Variants in IL6 observed in about 807,000 individuals in gnomAD.
The protein encoded by IL6 is interleukin 6.
IL6 carries 5 observed loss-of-function variants against 18.0 expected under a neutral mutation model. That is an observed-to-expected ratio of 0.28 (90% CI 0.15 to 0.58). The LOEUF (loss-of-function observed/expected upper bound fraction) is 0.58, where lower values mean the gene tolerates loss of function less well. Among genes scored for constraint, IL6 ranks in the 20% least tolerant of loss-of-function variants. The pLI is 0.90. For synonymous variants in IL6, 97 were observed against 95.1 expected (o/e 1.02, Z -0.12); for missense variants, 266 against 251.0 (o/e 1.06, Z -0.40).
rs1050091565 is a variant in IL6, at chr7:22,729,552, G to A, written c.363G>A (p.Glu121=). The A allele has an allele frequency of 1.2e-6, 2 of 1,614,120 alleles. No individual in the cohort carries two copies. The highest frequency in any genetic ancestry group is 2.7e-5 in the African/African-American group (2 of 75,034). Residue 121 remains glutamate, a synonymous_variant, in exon 4 of 5, where the codon GAG becomes GAA. Transcript: ENST00000258743. ...TGAAAATCATCACTGGTCTTTTGGAGTTTGAGGTATACCTAGAGTACCTCC... is the reference window on the plus strand; with the variant it reads ...TGAAAATCATCACTGGTCTTTTGGAATTTGAGGTATACCTAGAGTACCTCC... ...CLVKIITGLL[E]FEVYLEYLQN...
intron 4 of IL6, chr7:22,730,081 T>C (rs1390359896): frequency 2.0e-6 from 2 of 985,262 alleles, no homozygotes; most frequent in Non-Finnish European, 1.2e-6. Flanking sequence ...GTTTCAATTC[T>C]TTTTCCTACC....
chr7:22,727,733 T>C (rs1046805026), intron 2 of IL6, 99 bp downstream of exon 2: 1 of 1,369,486 alleles, frequency 7.3e-7, no homozygotes, highest in Non-Finnish European at 9.9e-7. Flanking sequence ...AGGTCTTTGC[T>C]GGGTTCTAGA....
At chr7:22,731,326 C>T (rs981446407) in intron 4 of IL6, 80 bp from the exon 5 acceptor site, 13 of 1,133,168 alleles carry the variant, frequency 1.1e-5, no homozygotes, top group Non-Finnish European at 1.6e-5. Context: ...TGAACATCAT[C>T]CCATAGCCCA....
rs768454698 is a variant in IL6, at chr7:22,729,790, A to C, written c.471+130A>C. 7 of 1,550,700 alleles carry C rather than the reference A, an allele frequency of 4.5e-6. No homozygotes were observed. In the South Asian group the frequency reaches 8.3e-5, roughly 18 times the overall value. ...ACACGTAAACAAAAGAGTCTGAGAA[A>C]TAGTTTCTGATTGTTATTGTTAAAT... is the stretch of plus-strand genomic sequence containing the variant. On this transcript the variant is annotated intron_variant, in intron 4 of 4. Transcript: ENST00000258743.
rs1784131613 is a variant in IL6, at chr7:22,731,852, G to T, written c.*279G>T. Reference sequence around the variant, plus strand: ...TGGCTATGCAGTTTGAATATCCTTTGTTTCAGAGCCAGATCATTTCTTGGA... The same window carrying T: ...TGGCTATGCAGTTTGAATATCCTTTTTTTCAGAGCCAGATCATTTCTTGGA... On this transcript the variant is annotated 3_prime_UTR_variant, in exon 5 of 5. Coordinates refer to ENST00000258743, the MANE Select transcript of IL6 (RefSeq NM_000600.5). The T allele has an allele frequency of 5.8e-6, 1 of 171,254 alleles. No homozygotes were observed. The highest frequency in any genetic ancestry group is 2.4e-5 in the African/African-American group (1 of 41,990). The allele number at this position is 171,254 out of a possible 1,614,324, so 10.6% of individuals were successfully genotyped here. A position where few individuals can be genotyped will look rare whatever the true frequency, so the allele number is the denominator to read the frequency against.
chr7:22,729,907 C>A, intron 4 of IL6: 4 of 1,401,216 alleles, frequency 2.9e-6, no homozygotes, highest in Non-Finnish European at 3.7e-6. Context: ...TGGATTTTAA[C>A]ATCAATTTTT....
chr7:22,731,226 C>CG, intron 4 of IL6, among the ~76,000 whole-genome samples, 180 bp from the exon 5 acceptor site: 2 of 129,744 alleles, frequency 1.5e-5, no homozygotes, highest in African/African-American at 5.7e-5. Context: ...GACCTTGACT[C>CG]AAAAAAAAAA....
intron 3 of IL6, 141 bp downstream of exon 3, chr7:22,728,947 G>A (rs1031397947): frequency 1.6e-6 from 1 of 638,774 alleles, no homozygotes; most frequent in Non-Finnish European, 2.8e-6. Flanking sequence ...TTCATGAGGA[G>A]GCCAACTTCA....
chr7:22,729,068 T>C (rs961437245), intron 3 of IL6, among the ~76,000 whole-genome samples: 1 of 152,238 alleles, frequency 6.6e-6, no homozygotes, highest in African/African-American at 2.4e-5. Flanking sequence ...TTTAATTAGT[T>C]CATCCTGGGA....
chr7:22,727,449 T>C lies in IL6; in HGVS notation c.25T>C (p.Phe9Leu). MNSFSTSA[F>L]GPVAFSLGLL... Reference sequence around the variant, plus strand: ...CTCGCTCCCCTCCGGCACAGGCGCCTTCGGTCCAGTTGCCTTCTCCCTGGG... The same window carrying C: ...CTCGCTCCCCTCCGGCACAGGCGCCCTCGGTCCAGTTGCCTTCTCCCTGGG... The change falls in exon 2 of 5, where the codon TTC becomes CTC. Residue 9 changes from phenylalanine (F) to leucine (L), a missense_variant. By Grantham distance (22) the Phe-to-Leu change is conservative. Transcript: ENST00000258743. 1 of 1,613,938 alleles carries C rather than the reference T, an allele frequency of 6.2e-7. No homozygotes were observed. The highest frequency in any genetic ancestry group is 8.5e-7 in the Non-Finnish European group (1 of 1,179,898).
At chr7:22,729,238 G>A (rs1275556412) in intron 3 of IL6, among the ~76,000 whole-genome samples, 1 of 152,146 alleles carries the variant, frequency 6.6e-6, no homozygotes, top group African/African-American at 2.4e-5. Context: ...AAGGGCAAGA[G>A]TGCAGGAAGA....
rs1485115464 is a variant in IL6 at position 22,729,983 on chromosome 7, C to A, written c.471+323C>A. The A allele has an allele frequency of 5.1e-6, 5 of 985,178 alleles. No individual in the cohort carries two copies. The African/African-American group carries it at 8.7e-5, about 17-fold the overall frequency. 61.0% of individuals were successfully genotyped at this position (985,178 alleles called of 1,614,324 possible). ...CAGAAAAAAGTGCATCCAACTCCAG[C>A]CAGTGATCCACAGAAACAAAGACCA... On this transcript the variant is annotated intron_variant, in intron 4 of 4. Transcript: ENST00000258743.
chr7:22,730,964 G>A (rs1226021428), intron 4 of IL6, among the ~76,000 whole-genome samples: 2 of 152,104 alleles, frequency 1.3e-5, no homozygotes, highest in Non-Finnish European at 2.9e-5. Context: ...CTGTGAGCCA[G>A]GCACAGTGCT....
At position 22,729,574 on chromosome 7, in the gene IL6, C is replaced by T; in HGVS notation, c.385C>T (p.Leu129Phe). Reference protein sequence around the residue: ...LLEFEVYLEYLQNRFESSEEQ... With the variant: ...LLEFEVYLEYFQNRFESSEEQ... ...GGAGTTTGAGGTATACCTAGAGTAC[C>T]TCCAGAACAGATTTGAGAGTAGTGA... The change falls in exon 4 of 5, where the codon CTC becomes TTC. Residue 129 changes from leucine to phenylalanine, a missense_variant. Coordinates refer to ENST00000258743, the MANE Select transcript of IL6 (RefSeq NM_000600.5). 1.2e-6 allele frequency: 2 copies of T among 1,614,112 alleles called. No individual in the cohort carries two copies. The highest frequency in any genetic ancestry group is 1.7e-6 in the Non-Finnish European group (2 of 1,179,986).
chr7:22,728,084 T>A (rs1183550230), intron 2 of IL6, among the ~76,000 whole-genome samples: 2 of 152,154 alleles, frequency 1.3e-5, no homozygotes, highest in African/African-American at 4.8e-5. Flanking sequence ...GATTCATACC[T>A]CAGAGCCCAC....
chr7:22,730,396 T>G (rs1048807431), intron 4 of IL6: 1 of 495,924 alleles, frequency 2.0e-6, no homozygotes, highest in Non-Finnish European at 2.6e-6. Flanking sequence ...AGGGTCAAAT[T>G]TCTACCAGGC....
rs1562645138 is a variant in IL6, at chr7:22,727,464, T to C, written c.40T>C (p.Phe14Leu). The change falls in exon 2 of 5, where the codon TTC becomes CTC. Residue 14 changes from phenylalanine (F) to leucine (L), a missense_variant. Phe to Leu is a conservative substitution (Grantham distance 22). Transcript: ENST00000258743. Reference sequence around the variant, plus strand: ...CACAGGCGCCTTCGGTCCAGTTGCCTTCTCCCTGGGGCTGCTCCTGGTGTT... The same window carrying C: ...CACAGGCGCCTTCGGTCCAGTTGCCCTCTCCCTGGGGCTGCTCCTGGTGTT... ...FSTSAFGPVAFSLGLLLVLPA... is the reference protein window; with the variant it reads ...FSTSAFGPVALSLGLLLVLPA... 1 of 1,614,062 alleles carries C rather than the reference T, an allele frequency of 6.2e-7. No individual in the cohort carries two copies.
At position 22,731,436 on chromosome 7, in the gene IL6, G is replaced by A; in HGVS notation, c.502G>A (p.Asp168Asn). 3 of 1,604,048 alleles carry A rather than the reference G, an allele frequency of 1.9e-6. No individual in the cohort carries two copies. Among genetic ancestry groups the A allele is most frequent in the Non-Finnish European group, 2.6e-6 (3 of 1,173,038 alleles). Residue 168 changes from aspartate (D) to asparagine (N), a missense_variant, in exon 5 of 5, where the codon GAC (aspartate) becomes AAC (asparagine). Transcript: ENST00000258743. ...AKNLDAITTPDPTTNASLLTK... is the reference protein window; with the variant it reads ...AKNLDAITTPNPTTNASLLTK... ...GAATCTAGATGCAATAACCACCCCT[G>A]ACCCAACCACAAATGCCAGCCTGCT...
Position 22,727,592 on chromosome 7 carries a change from A to G in IL6, c.168A>G (p.Gln56=). ...CCTCTTCAGAACGAATTGACAAACA[A>G]ATTCGGTACATCCTCGACGGCATCT... ...PLTSSERIDK[Q]IRYILDGISA... is the part of the protein sequence containing the mutation. The change falls in exon 2 of 5, where the codon CAA becomes CAG. Residue 56 remains glutamine, a synonymous_variant. Coordinates refer to ENST00000258743, the MANE Select transcript of IL6 (RefSeq NM_000600.5). The G allele has an allele frequency of 6.3e-7, 1 of 1,581,038 alleles. No individual in the cohort carries two copies. The highest frequency in any genetic ancestry group is 8.6e-7 in the Non-Finnish European group (1 of 1,164,662).
Sources: allele counts gnomAD v4.1 joint callset (sites outside exome capture counted in the v4.1 genomes callset), GRCh38; gene constraint gnomAD v4.1.1; transcripts MANE v1.5; gene names NCBI Gene and HGNC (gene_info 2026-07-23, HGNC 2026-07-21).